NAT1: variants seen among roughly 807,000 people sequenced by gnomAD.
NAT1 encodes arylamine N-acetyltransferase 1.
For missense variants in NAT1, 400 were observed against 339.2 expected, an observed-to-expected ratio of 1.18 and a Z score of -1.41; for synonymous variants, 144 against 122.6, an observed-to-expected ratio of 1.17 and a Z score of -1.16.
intron 2 of NAT1, among the ~76,000 whole-genome samples, chr8:18,204,761 AT>A (rs1365033855): frequency 6.6e-6 from 1 of 152,248 alleles, no homozygotes; most frequent in East Asian, 1.9e-4. Context: ...AAGAGAATCA[AT>A]TCTACATACA....
chr8:18,177,646 CAT>C (rs1589050858), intron 2 of NAT1, among the ~76,000 whole-genome samples: 1 of 152,082 alleles, frequency 6.6e-6, no homozygotes, highest in African/African-American at 2.4e-5. Flanking sequence ...GGAGGAAAGA[CAT>C]TCGTATCCCA....
At chr8:18,195,866 C>A (rs1021778104) in intron 2 of NAT1, among the ~76,000 whole-genome samples, 1 of 151,686 alleles carries the variant, frequency 6.6e-6, no homozygotes, top group Non-Finnish European at 1.5e-5. Context: ...TTCGACCTAC[C>A]AGTTATACAC....
At chr8:18,202,489 G>A (rs1253986307) in intron 2 of NAT1, among the ~76,000 whole-genome samples, 1 of 152,138 alleles carries the variant, frequency 6.6e-6, no homozygotes, top group Non-Finnish European at 1.5e-5. Flanking sequence ...GGACCTTTGC[G>A]GTGAGTGTTA....
intron 2 of NAT1, among the ~76,000 whole-genome samples, chr8:18,196,997 C>T (rs28383680): frequency 0.011 from 1,634 of 152,228 alleles, 14 homozygotes; most frequent in Middle Eastern, 0.078. Flanking sequence ...CAGGCGTTAA[C>T]GGGAAGCATG....
At chr8:18,198,153 T>C (rs1415850511) in intron 2 of NAT1, among the ~76,000 whole-genome samples, 1 of 93,656 alleles carries the variant, frequency 1.1e-5, no homozygotes, top group Non-Finnish European at 2.1e-5. Context: ...AGCAGAGACT[T>C]TCCAATCTAG....
intron 2 of NAT1, among the ~76,000 whole-genome samples, chr8:18,187,833 C>T (rs769733599): frequency 4.0e-5 from 6 of 151,876 alleles, no homozygotes; most frequent in African/African-American, 9.7e-5. Context: ...AACAAACCTG[C>T]GCATATGCCC....
At chr8:18,211,678 G>A (rs1255255425) in intron 1 of NAT1, among the ~76,000 whole-genome samples, 1 of 152,174 alleles carries the variant, frequency 6.6e-6, no homozygotes, top group Non-Finnish European at 1.5e-5. Context: ...TTTGGGTGCG[G>A]CTAGTCCAGC....
At chr8:18,176,580 G>C (rs1031049024) in intron 2 of NAT1, among the ~76,000 whole-genome samples, 3 of 141,892 alleles carry the variant, frequency 2.1e-5, no homozygotes, top group Non-Finnish European at 3.0e-5. Flanking sequence ...TTTTATGCCA[G>C]TGCCATGCTG....
chr8:18,184,757 C>T (rs28605313), intron 2 of NAT1, among the ~76,000 whole-genome samples: 41,962 of 152,124 alleles, frequency 0.28, 7,102 homozygotes, highest in African/African-American at 0.48. Context: ...CTGTTGCAAA[C>T]AGAGCTTTCA....
intron 1 of NAT1, chr8:18,212,521 A>G (rs1380070131): frequency 6.6e-6 from 1 of 152,122 alleles, no homozygotes; most frequent in Admixed American, 6.5e-5. Context: ...GTGAACTGCA[A>G]CTCCAAAGTG....
intron 2 of NAT1, among the ~76,000 whole-genome samples, chr8:18,192,058 C>A (rs947972950): frequency 6.6e-5 from 10 of 151,160 alleles, no homozygotes; most frequent in South Asian, 4.2e-4. Context: ...AGGCAACCTA[C>A]AAAATGGGAG....
At chr8:18,221,979 A>G (rs1407293616) in intron 2 of NAT1, 63 bp from the exon 3 acceptor site, 1 of 1,481,462 alleles carries the variant, frequency 6.8e-7, no homozygotes, top group Non-Finnish European at 9.1e-7. Context: ...AGCCATAATT[A>G]GCCTACTCAA....
intron 2 of NAT1, among the ~76,000 whole-genome samples, chr8:18,204,649 G>A (rs573079216): frequency 3.3e-5 from 5 of 152,164 alleles, no homozygotes; most frequent in African/African-American, 1.2e-4. Context: ...TACGAATACA[G>A]ATATAGACAG....
chr8:18,215,301 C>G (rs529145316), intron 1 of NAT1, among the ~76,000 whole-genome samples: 2 of 152,308 alleles, frequency 1.3e-5, no homozygotes, highest in East Asian at 3.9e-4. Flanking sequence ...ACTTCGGAAG[C>G]ACCAATTGTC....
intron 2 of NAT1, among the ~76,000 whole-genome samples, chr8:18,179,998 G>A (rs780812081): frequency 5.3e-5 from 8 of 152,130 alleles, no homozygotes; most frequent in Non-Finnish European, 8.8e-5. Context: ...GCAGAGCCGG[G>A]GCATAGTAAG....
At chr8:18,193,506 A>ATAATAT (rs748465170) in intron 2 of NAT1, among the ~76,000 whole-genome samples, 1 of 132,486 alleles carries the variant, frequency 7.5e-6, no homozygotes, top group African/African-American at 3.4e-5. Flanking sequence ...ATATATATAT[A>ATAATAT]ATATATATAT....
chr8:18,187,096 G>A (rs192571668), intron 2 of NAT1, among the ~76,000 whole-genome samples: 5 of 152,108 alleles, frequency 3.3e-5, no homozygotes, highest in Admixed American at 2.6e-4. Flanking sequence ...GTGTTGTCTC[G>A]GAACTGGTGT....
intron 2 of NAT1, among the ~76,000 whole-genome samples, chr8:18,180,539 G>T (rs1656592047): frequency 6.6e-6 from 1 of 152,008 alleles, no homozygotes; most frequent in Non-Finnish European, 1.5e-5. Flanking sequence ...TCCTTATTTG[G>T]CTTTGATACT....
At chr8:18,186,129 G>T (rs1802722869) in intron 2 of NAT1, among the ~76,000 whole-genome samples, 1 of 151,708 alleles carries the variant, frequency 6.6e-6, no homozygotes, top group South Asian at 2.1e-4. Context: ...AGTCAAGTTT[G>T]TTAGCCATGT....
Sources: allele counts gnomAD v4.1 joint callset (sites outside exome capture counted in the v4.1 genomes callset), GRCh38; gene constraint gnomAD v4.1.1; transcripts MANE v1.5; gene names NCBI Gene and HGNC (gene_info 2026-07-23, HGNC 2026-07-21).